KCNMA1: variants seen among roughly 807,000 people sequenced by gnomAD.
KCNMA1 encodes Calcium-activated potassium channel subunit alpha-1.
Under a neutral mutation model 140.0 loss-of-function variants are expected in KCNMA1, and 29 were observed. The observed-to-expected ratio is 0.21, with a 90% CI of 0.15 to 0.28. The LOEUF (loss-of-function observed/expected upper bound fraction) is 0.28, where lower values mean the gene tolerates loss of function less well. KCNMA1 is among the 10% of genes least tolerant of loss of function. KCNMA1 has a pLI of 1.00. For synonymous variants in KCNMA1, 612 were observed against 611.9 expected, an observed-to-expected ratio of 1.00 and a Z score of 0.00; for missense variants, 880 against 1,602.2, an observed-to-expected ratio of 0.55 and a Z score of 7.70.
chr10:77,377,314 C>A (rs906428061), intron 2 of KCNMA1, among the ~76,000 whole-genome samples: 1 of 152,136 alleles, frequency 6.6e-6, no homozygotes, highest in African/African-American at 2.4e-5. Context: ...CTCTTTCCCA[C>A]GCCAAGGACA....
intron 2 of KCNMA1, among the ~76,000 whole-genome samples, chr10:77,375,407 A>G (rs954784968): frequency 6.6e-6 from 1 of 152,208 alleles, no homozygotes; most frequent in African/African-American, 2.4e-5. Flanking sequence ...TTTCTTCTTC[A>G]GCAAAACAGA....
chr10:77,340,394 T>C (rs922473895), intron 2 of KCNMA1, among the ~76,000 whole-genome samples: 5 of 152,188 alleles, frequency 3.3e-5, no homozygotes, highest in Admixed American at 3.3e-4. Context: ...ATTATGCTGC[T>C]ATTAAGACAC....
At chr10:77,634,418 T>A (rs1403354948) in intron 1 of KCNMA1, 2 of 985,358 alleles carry the variant, frequency 2.0e-6, no homozygotes, top group Non-Finnish European at 2.4e-6. Flanking sequence ...CCAAAGGTAC[T>A]AATGAAGAGA....
At chr10:77,636,988 G>A in intron 1 of KCNMA1, 1 of 1,408,258 alleles carries the variant, frequency 7.1e-7, no homozygotes, top group Non-Finnish European at 9.2e-7. Flanking sequence ...CCCGGCCCCA[G>A]CCGCAGCCGC....
At chr10:76,908,061 T>A (rs1590195427) in intron 25 of KCNMA1, among the ~76,000 whole-genome samples, 1 of 152,348 alleles carries the variant, frequency 6.6e-6, no homozygotes, top group Non-Finnish European at 1.5e-5. Context: ...TTTAACCAGC[T>A]CTTAGAACAG....
intron 2 of KCNMA1, among the ~76,000 whole-genome samples, chr10:77,256,352 T>C (rs1300538493): frequency 6.6e-6 from 1 of 152,028 alleles, no homozygotes; most frequent in East Asian, 1.9e-4. Context: ...CCTGAGGAGC[T>C]TTCCTTCCAA....
chr10:77,219,336 C>T (rs977227473), intron 3 of KCNMA1, among the ~76,000 whole-genome samples: 9 of 152,108 alleles, frequency 5.9e-5, no homozygotes, highest in African/African-American at 9.7e-5. Flanking sequence ...GTGGAGCTGA[C>T]AACAAAAAGT....
chr10:77,077,777 C>T (rs1183400039), intron 13 of KCNMA1: 2 of 152,246 alleles, frequency 1.3e-5, no homozygotes, highest in East Asian at 3.8e-4. Flanking sequence ...AATTCACCTC[C>T]ACCTACAAGG....
intron 3 of KCNMA1, among the ~76,000 whole-genome samples, chr10:77,188,936 C>T (rs1430931961): frequency 1.3e-5 from 2 of 152,140 alleles, no homozygotes; most frequent in Non-Finnish European, 2.9e-5. Flanking sequence ...CCGCTCCTCA[C>T]AGCCTCTAAA....
chr10:77,153,082 T>C (rs1025247591), intron 5 of KCNMA1, among the ~76,000 whole-genome samples: 1 of 152,170 alleles, frequency 6.6e-6, no homozygotes, highest in Non-Finnish European at 1.5e-5. Context: ...AAACTGACAA[T>C]GCACATTAGC....
intron 14 of KCNMA1, among the ~76,000 whole-genome samples, chr10:77,061,961 A>G (rs2095768593): frequency 6.6e-6 from 1 of 152,168 alleles, no homozygotes; most frequent in Non-Finnish European, 1.5e-5. Flanking sequence ...CAAAACTGTA[A>G]TGACAGAGAA....
At chr10:77,245,502 C>A (rs1036637756) in intron 3 of KCNMA1, among the ~76,000 whole-genome samples, 1 of 152,140 alleles carries the variant, frequency 6.6e-6, no homozygotes, top group Non-Finnish European at 1.5e-5. Flanking sequence ...GAGAAGGAAG[C>A]CAGATACTTT....
intron 3 of KCNMA1, among the ~76,000 whole-genome samples, chr10:77,203,765 C>G (rs560192384): frequency 5.9e-5 from 9 of 152,268 alleles, no homozygotes; most frequent in African/African-American, 1.9e-4. Flanking sequence ...CATCTCCCAA[C>G]ATGGTTTCAA....
intron 1 of KCNMA1, among the ~76,000 whole-genome samples, chr10:77,483,023 CA>C (rs2098418344): frequency 6.7e-6 from 1 of 150,298 alleles, no homozygotes; most frequent in African/African-American, 2.5e-5. Flanking sequence ...CACACACACA[CA>C]CACACACACA....
chr10:77,392,108 A>G (rs1382515421), intron 2 of KCNMA1, among the ~76,000 whole-genome samples: 2 of 140,822 alleles, frequency 1.4e-5, no homozygotes, highest in Admixed American at 7.1e-5. Flanking sequence ...GGAGGGAGGG[A>G]AGGACGGAGG....
At chr10:77,494,598 C>G (rs1459054286) in intron 1 of KCNMA1, among the ~76,000 whole-genome samples, 1 of 152,226 alleles carries the variant, frequency 6.6e-6, no homozygotes, top group Non-Finnish European at 1.5e-5. Flanking sequence ...CCTTGCCAAC[C>G]CTGAGCCCCT....
At chr10:77,542,206 T>C (rs1316657414) in intron 1 of KCNMA1, among the ~76,000 whole-genome samples, 1 of 152,218 alleles carries the variant, frequency 6.6e-6, no homozygotes, top group East Asian at 1.9e-4. Context: ...TCCTCCAGAA[T>C]TGTGAGAAAT....
At chr10:76,996,587 C>A (rs576946434) in intron 19 of KCNMA1, among the ~76,000 whole-genome samples, 1 of 152,108 alleles carries the variant, frequency 6.6e-6, no homozygotes, top group African/African-American at 2.4e-5. Flanking sequence ...TTGGTGTGCA[C>A]ATGTGTGATG....
In KCNMA1 at chr10:77,007,653, GTATA is replaced by G. The variant is rs60937323; in HGVS notation, c.2092+4310_2092+4313del. On this transcript the variant is annotated intron_variant, in intron 18 of 27. Coordinates refer to ENST00000286628, the MANE Select transcript of KCNMA1 (RefSeq NM_001161352.2). ...ACATCATGGTACATATTGTGTGTGT[GTATA>G]TATATATATATATATATATGTATCA... is the stretch of plus-strand genomic sequence containing the variant. Among the ~76,000 whole-genome samples, 2,197 of 88,436 alleles carry G rather than the reference GTATA, an allele frequency of 0.025. 200 individuals carry two copies. The East Asian group carries it at 0.25, about 10-fold the overall frequency. The allele number at this position is 88,436 out of a possible 152,430, so 58.0% of individuals were successfully genotyped here. A position where few individuals can be genotyped will look rare whatever the true frequency, so the allele number is the denominator to read the frequency against.
Sources: gnomAD v4.1 joint callset for allele counts (sites outside exome capture counted in the v4.1 genomes callset) on GRCh38, gnomAD v4.1.1 for gene constraint, MANE v1.5 for transcripts, NCBI Gene and HGNC (gene_info 2026-07-23, HGNC 2026-07-21) for gene names.